The following ANO10 variants were observed in gnomAD, a reference collection of about 807,000 sequenced individuals.
ANO10 encodes the protein anoctamin 10, also known as anoctamin-10.
A neutral mutation model predicts 74.7 loss-of-function variants in ANO10; 77 were observed. That is an observed-to-expected ratio of 1.03 (90% CI 0.86 to 1.25). The LOEUF (loss-of-function observed/expected upper bound fraction) is 1.25. Ranked by LOEUF, ANO10 falls within the 50% of genes most tolerant of loss-of-function variation. ANO10 has a pLI of 0.00. For missense variants in ANO10, 721 were observed against 778.1 expected (o/e 0.93, Z 0.87); for synonymous variants, 279 against 284.9 (o/e 0.98, Z 0.21).
chr3:43,645,334 CA>C (rs1575577077), intron 1 of ANO10, among the ~76,000 whole-genome samples: 1 of 152,038 alleles, frequency 6.6e-6, no homozygotes, highest in East Asian at 1.9e-4. Context: ...ACTAAAAATA[CA>C]AAAATTAGCT....
intron 9 of ANO10, among the ~76,000 whole-genome samples, chr3:43,559,343 T>C (rs2079912538): frequency 6.6e-6 from 1 of 152,208 alleles, no homozygotes; most frequent in Non-Finnish European, 1.5e-5. Context: ...AATCGTGTTT[T>C]GGGTACTTCA....
At chr3:43,630,304 G>T (rs985066227) in intron 1 of ANO10, among the ~76,000 whole-genome samples, 1 of 152,124 alleles carries the variant, frequency 6.6e-6, no homozygotes, top group Non-Finnish European at 1.5e-5. Flanking sequence ...TGTGAATAAA[G>T]ATATTGAAAC....
At chr3:43,543,881 G>A (rs934930312) in intron 11 of ANO10, among the ~76,000 whole-genome samples, 2 of 152,106 alleles carry the variant, frequency 1.3e-5, no homozygotes, top group African/African-American at 4.8e-5. Context: ...TAGTTAACTC[G>A]TCTTCACCTT....
At chr3:43,681,223 G>T (rs545000689) in intron 1 of ANO10, among the ~76,000 whole-genome samples, 3 of 151,952 alleles carry the variant, frequency 2.0e-5, no homozygotes, top group Admixed American at 2.0e-4. Context: ...AAAATAAAGG[G>T]ATGGAGGAAG....
chr3:43,658,455 ATAT>A (rs555639307), intron 1 of ANO10, among the ~76,000 whole-genome samples: 393 of 150,820 alleles, frequency 2.6e-3, no homozygotes, highest in African/African-American at 8.8e-3. Flanking sequence ...ACCAAAGTTT[ATAT>A]TATTATTATT....
chr3:43,559,776 T>C (rs2079937543), intron 9 of ANO10, among the ~76,000 whole-genome samples: 1 of 152,192 alleles, frequency 6.6e-6, no homozygotes, highest in Non-Finnish European at 1.5e-5. Context: ...TGGGAACTTT[T>C]ATCCCATAGT....
chr3:43,667,424 T>C (rs1269704533), intron 1 of ANO10, among the ~76,000 whole-genome samples: 1 of 152,322 alleles, frequency 6.6e-6, no homozygotes, highest in Non-Finnish European at 1.5e-5. Context: ...GTTACACTAT[T>C]GTTTTTTAAA....
chr3:43,458,246 A>G (rs777730922), intron 11 of ANO10, among the ~76,000 whole-genome samples: 15 of 152,164 alleles, frequency 9.9e-5, no homozygotes, highest in Non-Finnish European at 1.3e-4. Context: ...ACCCCCTGCA[A>G]TGGAGACCAC....
chr3:43,371,280 T>C (rs1455162166), intron 12 of ANO10, among the ~76,000 whole-genome samples: 1 of 152,108 alleles, frequency 6.6e-6, no homozygotes, highest in East Asian at 1.9e-4. Flanking sequence ...TCACCGTCCA[T>C]GTCCTCTGAG....
At chr3:43,473,498 G>A (rs1379528147) in intron 11 of ANO10, among the ~76,000 whole-genome samples, 3 of 152,098 alleles carry the variant, frequency 2.0e-5, no homozygotes, top group Non-Finnish European at 4.4e-5. Context: ...TGCCACACGC[G>A]CCTCTCCCAC....
chr3:43,370,058 G>A (rs1003684446), intron 12 of ANO10, among the ~76,000 whole-genome samples: 2 of 152,124 alleles, frequency 1.3e-5, no homozygotes, highest in East Asian at 1.9e-4. Context: ...GTCATGCGAC[G>A]TACAACAGGA....
At chr3:43,414,293 G>A (rs2092706450) in intron 12 of ANO10, among the ~76,000 whole-genome samples, 1 of 152,162 alleles carries the variant, frequency 6.6e-6, no homozygotes, top group Non-Finnish European at 1.5e-5. Context: ...GGAGAGAGCA[G>A]CAAAGAGAAA....
At chr3:43,513,658 C>G (rs1180643951) in intron 11 of ANO10, among the ~76,000 whole-genome samples, 2 of 152,158 alleles carry the variant, frequency 1.3e-5, no homozygotes, top group Non-Finnish European at 2.9e-5. Context: ...CTACAGGCGC[C>G]TGCCACCACG....
intron 11 of ANO10, among the ~76,000 whole-genome samples, chr3:43,522,968 A>G (rs1455784862): frequency 6.6e-6 from 1 of 152,164 alleles, no homozygotes; most frequent in Non-Finnish European, 1.5e-5. Context: ...CCACGTCCAT[A>G]CCCCAGAAGC....
At position 43,398,789 on chromosome 3, in the gene ANO10, G is replaced by A. The variant is rs114270494; in HGVS notation, c.1915-31815C>T. Among the ~76,000 whole-genome samples, 224 of 152,244 alleles carry A rather than the reference G, an allele frequency of 1.5e-3. 2 individuals are homozygous for A. The highest frequency in any genetic ancestry group is 5.2e-3 in the African/African-American group (215 of 41,536). ...TCCCTGAGAATTTCCTAATCTCTGT[G>A]CCTCAGTTACTTCATCTGTAAAATG... is the stretch of plus-strand genomic sequence containing the variant. On this transcript the variant is annotated intron_variant, in intron 12 of 12. Coordinates refer to ENST00000292246, the MANE Select transcript of ANO10 (RefSeq NM_018075.5).
At chr3:43,601,649 T>C (rs2082340320) in intron 2 of ANO10, among the ~76,000 whole-genome samples, 1 of 152,232 alleles carries the variant, frequency 6.6e-6, no homozygotes, top group Admixed American at 6.5e-5. Context: ...CACTATCATC[T>C]AGGTAATTTA....
intron 8 of ANO10, among the ~76,000 whole-genome samples, chr3:43,564,721 G>T (rs577351018): frequency 4.6e-5 from 7 of 152,330 alleles, no homozygotes; most frequent in African/African-American, 1.4e-4. Context: ...TACTAGGGAT[G>T]AGTTAAGTTT....
intron 12 of ANO10, chr3:43,424,417 C>T (rs2092867099): frequency 6.6e-6 from 1 of 152,236 alleles, no homozygotes; most frequent in East Asian, 1.9e-4. Flanking sequence ...GGGAGCCAGA[C>T]CACCTTTATA....
chr3:43,504,358 T>C (rs1382718908), intron 11 of ANO10, among the ~76,000 whole-genome samples: 1 of 139,136 alleles, frequency 7.2e-6, no homozygotes, highest in African/African-American at 2.6e-5. Flanking sequence ...AAATAAAGCG[T>C]TGGGGATCTA....
Sources: allele counts gnomAD v4.1 joint callset (sites outside exome capture counted in the v4.1 genomes callset), GRCh38; gene constraint gnomAD v4.1.1; transcripts MANE v1.5; gene names NCBI Gene and HGNC (gene_info 2026-07-23, HGNC 2026-07-21).